The following GNA12 variants were observed in gnomAD, a reference collection of about 807,000 sequenced individuals.
GNA12 encodes guanine nucleotide-binding protein subunit alpha-12.
Under a neutral mutation model 26.0 loss-of-function variants are expected in GNA12, and 9 were observed. That is an observed-to-expected ratio of 0.35 (90% CI 0.21 to 0.60). The LOEUF is 0.60. Among genes scored for constraint, GNA12 ranks in the 20% least tolerant of loss-of-function variants. GNA12 has a pLI of 0.78. For missense variants in GNA12, 405 were observed against 525.8 expected (o/e 0.77, Z 2.25); for synonymous variants, 264 against 219.6 (o/e 1.20, Z -1.79).
intron 1 of GNA12, among the ~76,000 whole-genome samples, chr7:2,841,182 C>T (rs947237608): frequency 2.0e-5 from 3 of 152,132 alleles, no homozygotes; most frequent in Non-Finnish European, 2.9e-5. Flanking sequence ...GACGGAGTCT[C>T]GCTGAGTTGC....
chr7:2,734,489 G>C (rs575623786), intron 2 of GNA12, among the ~76,000 whole-genome samples: 3 of 152,314 alleles, frequency 2.0e-5, no homozygotes, highest in Non-Finnish European at 4.4e-5. Context: ...CACATGTGGC[G>C]AGCTGACGCA....
chr7:2,773,584 C>G (rs1364913476), intron 2 of GNA12, among the ~76,000 whole-genome samples: 2 of 152,064 alleles, frequency 1.3e-5, no homozygotes, highest in Non-Finnish European at 2.9e-5. Context: ...ACAAACAAAA[C>G]CAGAATGAGA....
rs139909474 is a variant in GNA12 at position 2,766,015 on chromosome 7, T to C, written c.525+28913A>G. Among the ~76,000 whole-genome samples the C allele has an allele frequency of 1.3e-3, 203 of 152,290 alleles. 2 individuals are homozygous for C. The highest frequency in any genetic ancestry group is 4.5e-3 in the African/African-American group (185 of 41,550). On this transcript the variant is annotated intron_variant, in intron 2 of 3. Coordinates refer to ENST00000275364, the MANE Select transcript of GNA12 (RefSeq NM_007353.3). Reference sequence around the variant, plus strand: ...ATTTACCATCTTAATCATTTTAAAATGCACAGTTCAGTGGTGTTAAGCATA... The same window carrying C: ...ATTTACCATCTTAATCATTTTAAAACGCACAGTTCAGTGGTGTTAAGCATA...
At chr7:2,811,148 A>G (rs1308525436) in intron 1 of GNA12, among the ~76,000 whole-genome samples, 1 of 152,212 alleles carries the variant, frequency 6.6e-6, no homozygotes, top group Non-Finnish European at 1.5e-5. Flanking sequence ...CCTGGCCCAG[A>G]GCCCCCAGGC....
intron 2 of GNA12, among the ~76,000 whole-genome samples, chr7:2,751,858 C>G (rs1276274834): frequency 6.6e-6 from 1 of 152,044 alleles, no homozygotes; most frequent in African/African-American, 2.4e-5. Context: ...TGGATTTGTT[C>G]TAAAACAACA....
At chr7:2,785,189 GGCAAGAGCCACCCCAGAGGAAAA>G in intron 2 of GNA12, among the ~76,000 whole-genome samples, 1 of 152,146 alleles carries the variant, frequency 6.6e-6, no homozygotes, top group Non-Finnish European at 1.5e-5. Context: ...TGTATCCTCA[GGCAAGAGCCACCCCAGAGGAAAA>G]GCAAGTGTCC....
intron 1 of GNA12, among the ~76,000 whole-genome samples, chr7:2,830,396 G>A (rs1232595859): frequency 6.6e-6 from 1 of 152,212 alleles, no homozygotes; most frequent in African/African-American, 2.4e-5. Context: ...CTGGTTTTGG[G>A]TTTGTAGCCA....
chr7:2,843,479 T>A (rs1467122544), intron 1 of GNA12, among the ~76,000 whole-genome samples: 1 of 151,266 alleles, frequency 6.6e-6, no homozygotes, highest in African/African-American at 2.4e-5. Flanking sequence ...ACCCCATCTC[T>A]ACAAAAAAAA....
At chr7:2,754,150 A>G (rs780308236) in intron 2 of GNA12, among the ~76,000 whole-genome samples, 3 of 151,928 alleles carry the variant, frequency 2.0e-5, no homozygotes, top group Non-Finnish European at 4.4e-5. Context: ...ACTATTTTCT[A>G]TTGTATCTGT....
chr7:2,820,379 T>A (rs1047291002), intron 1 of GNA12, among the ~76,000 whole-genome samples: 3 of 149,918 alleles, frequency 2.0e-5, no homozygotes, highest in African/African-American at 7.4e-5. Flanking sequence ...TGGTATGATA[T>A]GTGAGTTATA....
intron 2 of GNA12, among the ~76,000 whole-genome samples, chr7:2,769,811 T>C (rs1192047567): frequency 6.6e-6 from 1 of 152,170 alleles, no homozygotes. Context: ...CCAATTTATA[T>C]CCTAATGAAC....
intron 1 of GNA12, among the ~76,000 whole-genome samples, chr7:2,823,313 T>C (rs1793411174): frequency 6.6e-6 from 1 of 152,174 alleles, no homozygotes; most frequent in African/African-American, 2.4e-5. Context: ...AAAGGCTACT[T>C]ATCTGACTGA....
In GNA12 at chr7:2,844,087, C is replaced by G; in HGVS notation, c.75G>C (p.Ala25=). The G allele has an allele frequency of 9.7e-7, 1 of 1,031,346 alleles. No individual in the cohort carries two copies. The highest frequency in any genetic ancestry group is 1.2e-6 in the Non-Finnish European group (1 of 862,380). 63.9% of individuals were successfully genotyped at this position (1,031,346 alleles called of 1,614,324 possible). A position where few individuals can be genotyped will look rare whatever the true frequency, so the allele number is the denominator to read the frequency against. Residue 25 remains alanine, a synonymous_variant, in exon 1 of 4, where the codon GCG becomes GCC. Transcript: ENST00000275364. The stretch of plus-strand genomic sequence containing the variant: ...GCTCCGCGTCGCGCGCGCCGCTGCC[C>G]GCCCTGCGCTCGCGGGCCCCGCCGG... ...AEAGGARERR[A]GSGARDAERE...
intron 2 of GNA12, among the ~76,000 whole-genome samples, chr7:2,787,774 C>T (rs1230187612): frequency 1.3e-5 from 2 of 152,182 alleles, no homozygotes; most frequent in Non-Finnish European, 2.9e-5. Flanking sequence ...GCACTCAGTC[C>T]CACGGCTATG....
chr7:2,768,219 T>A (rs772638324), intron 2 of GNA12, among the ~76,000 whole-genome samples: 2 of 152,188 alleles, frequency 1.3e-5, no homozygotes, highest in African/African-American at 2.4e-5. Context: ...CAAGTCCAAA[T>A]TGAGTTAGAT....
intron 2 of GNA12, among the ~76,000 whole-genome samples, chr7:2,776,086 C>T (rs567320741): frequency 2.4e-4 from 37 of 152,326 alleles, no homozygotes; most frequent in African/African-American, 8.4e-4. Context: ...TTCACCCTGT[C>T]ATCCAGGTTA....
At chr7:2,823,551 G>C (rs1467806803) in intron 1 of GNA12, among the ~76,000 whole-genome samples, 3 of 152,114 alleles carry the variant, frequency 2.0e-5, no homozygotes, top group African/African-American at 4.8e-5. Context: ...AAAACTGTTC[G>C]GGAAGAGGCC....
At chr7:2,785,730 T>C (rs760342671) in intron 2 of GNA12, among the ~76,000 whole-genome samples, 1 of 152,108 alleles carries the variant, frequency 6.6e-6, no homozygotes, top group Non-Finnish European at 1.5e-5. Flanking sequence ...AAACAAGCTG[T>C]GGTACCTCCA....
At chr7:2,819,038 G>T (rs1793287496) in intron 1 of GNA12, among the ~76,000 whole-genome samples, 1 of 152,160 alleles carries the variant, frequency 6.6e-6, no homozygotes, top group African/African-American at 2.4e-5. Flanking sequence ...TTAAAATAGG[G>T]CGATTATTCT....
Sources: allele counts gnomAD v4.1 joint callset (sites outside exome capture counted in the v4.1 genomes callset), GRCh38; gene constraint gnomAD v4.1.1; transcripts MANE v1.5; gene names NCBI Gene and HGNC (gene_info 2026-07-23, HGNC 2026-07-21).